MYO1C: variants seen among roughly 807,000 people sequenced by gnomAD.
MYO1C encodes the protein unconventional myosin-Ic.
MYO1C carries 104 observed loss-of-function variants against 150.8 expected under a neutral mutation model. The ratio of observed to expected loss-of-function variants is 0.69; its 90% confidence interval spans 0.59 to 0.81. The LOEUF (loss-of-function observed/expected upper bound fraction) is 0.81, where lower values mean the gene tolerates loss of function less well. MYO1C is among the 30% of genes least tolerant of loss of function. MYO1C has a pLI of 0.00. For missense variants in MYO1C, 1,504 were observed against 1,435.0 expected, an observed-to-expected ratio of 1.05 and a Z score of -0.78; for synonymous variants, 663 against 579.9, an observed-to-expected ratio of 1.14 and a Z score of -2.06.
rs904028047 is a variant in MYO1C, at chr17:1,467,921, A to G, written c.2897-11T>C. ...TGCTGACAGAGATTCCTGAGGGGAG[A>G]GGGCAAAGGTCAGAGGTCGAGGGTC... On this transcript the variant is annotated splice_polypyrimidine_tract_variant and intron_variant, in intron 28 of 31. Coordinates refer to ENST00000648651, the MANE Select transcript of MYO1C (RefSeq NM_001080779.2). 8.1e-6 allele frequency: 13 copies of G among 1,611,850 alleles called. No individual in the cohort carries two copies. In the African/African-American group the frequency reaches 1.2e-4, roughly 15 times the overall value.
At chr17:1,473,026 C>A (rs2074335710) in intron 17 of MYO1C, among the ~76,000 whole-genome samples, 1 of 152,070 alleles carries the variant, frequency 6.6e-6, no homozygotes, top group Non-Finnish European at 1.5e-5. Context: ...CATGGTGAAA[C>A]CCCATCTCTA....
At chr17:1,484,735 G>C (rs1317553591) in intron 1 of MYO1C, 1 of 366,650 alleles carries the variant, frequency 2.7e-6, no homozygotes, top group East Asian at 7.2e-5. Flanking sequence ...TCCTCTCTCT[G>C]GTTCCTTCCT....
chr17:1,491,678 T>A, intron 1 of MYO1C: 1 of 978,400 alleles, frequency 1.0e-6, no homozygotes, highest in Non-Finnish European at 1.2e-6. Context: ...GGGCGCACTC[T>A]CCCCGCCCAG....
At chr17:1,488,163 CT>C (rs552925847) in intron 1 of MYO1C, among the ~76,000 whole-genome samples, 5 of 152,312 alleles carry the variant, frequency 3.3e-5, no homozygotes, top group African/African-American at 1.2e-4. Context: ...CGCCCCGCCC[CT>C]CCACGTCACG....
intron 5 of MYO1C, among the ~76,000 whole-genome samples, chr17:1,482,076 T>C (rs1483815826): frequency 6.6e-6 from 1 of 152,064 alleles, no homozygotes; most frequent in Non-Finnish European, 1.5e-5. Flanking sequence ...AGACAGGGTC[T>C]CACTCCGTAG....
Position 1,464,203 on chromosome 17 carries a change from CTTTA to C in MYO1C, c.*1519_*1522del, listed in dbSNP as rs1351349772. 1 of 152,658 alleles carries C rather than the reference CTTTA, an allele frequency of 6.6e-6. No individual in the cohort carries two copies. The highest frequency in any genetic ancestry group is 1.5e-5 in the Non-Finnish European group (1 of 68,060). The allele number at this position is 152,658 out of a possible 1,614,324, so 9.5% of individuals were successfully genotyped here. On this transcript the variant is annotated 3_prime_UTR_variant, in exon 32 of 32. Coordinates refer to ENST00000648651, the MANE Select transcript of MYO1C (RefSeq NM_001080779.2). Reference sequence around the variant, plus strand: ...AGACCACATTGGCAAACACGTATTGCTTTATTTAGTGTTTCTCTGGATTGCAGAA... The same window carrying C: ...AGACCACATTGGCAAACACGTATTGCTTTAGTGTTTCTCTGGATTGCAGAA...
Position 1,471,355 on chromosome 17 carries a change from G to A in MYO1C, c.2022-19C>T, listed in dbSNP as rs746367477. The stretch of plus-strand genomic sequence containing the variant: ...CTTGTACCTGGGGACAGGAATGCAC[G>A]CGGCTCCCACCCCAGTCAGCAGCCT... On this transcript the variant is annotated intron_variant, in intron 19 of 31. Transcript: ENST00000648651. 6.2e-6 allele frequency: 10 copies of A among 1,607,992 alleles called. No homozygotes were observed. In the African/African-American group the frequency reaches 6.7e-5, roughly 11 times the overall value.
At chr17:1,474,485 G>C (rs2074362642) in intron 17 of MYO1C, 125 bp downstream of exon 17, 10 of 897,462 alleles carry the variant, frequency 1.1e-5, no homozygotes, top group South Asian at 1.0e-4. Context: ...GCCCCCTACA[G>C]ACACCTGCAG....
rs1012930009 is a variant in MYO1C at position 1,480,951 on chromosome 17, T to A, written c.628-66A>T. ...GGGAAAAGAGCCCACCTGCCCCTCT[T>A]CTCCCCTGCACTCCTGGGCTTTGGC... is the stretch of plus-strand genomic sequence containing the variant. On this transcript the variant is annotated intron_variant, in intron 5 of 31. Coordinates refer to ENST00000648651, the MANE Select transcript of MYO1C (RefSeq NM_001080779.2). 7 of 1,562,832 alleles carry A rather than the reference T, an allele frequency of 4.5e-6. No individual in the cohort carries two copies. The African/African-American group carries it at 6.8e-5, about 15-fold the overall frequency.
In MYO1C at chr17:1,478,035, G is replaced by C; in HGVS notation, c.1401+52C>G. The C allele has an allele frequency of 6.2e-7, 1 of 1,612,190 alleles. No homozygotes were observed. ...CCTGGCACCCTCTCCCAGGGGCCCC[G>C]ATACCCAGGCTCCCCGTGGCCCACG... is the stretch of plus-strand genomic sequence containing the variant. On this transcript the variant is annotated intron_variant, in intron 12 of 31. Coordinates refer to ENST00000648651, the MANE Select transcript of MYO1C (RefSeq NM_001080779.2). This position sits in a 1 kb window ranked among gnomAD's most constrained non-coding sequence, Gnocchi z 6.3.
chr17:1,485,682 C>A, intron 1 of MYO1C: 1 of 1,213,180 alleles, frequency 8.2e-7, no homozygotes, highest in Non-Finnish European at 1.0e-6. Context: ...GCCCCGCCGC[C>A]CCCAGGCTCA....
In MYO1C at chr17:1,474,572, C is replaced by T. The variant is rs376071919; in HGVS notation, c.1797+38G>A. The stretch of plus-strand genomic sequence containing the variant: ...ACACAGGCCCTCATGCACACTCAGG[C>T]GCATGCACCCCTGCGCCCGGTCCCG... On this transcript the variant is annotated intron_variant, in intron 17 of 31. Coordinates refer to ENST00000648651, the MANE Select transcript of MYO1C (RefSeq NM_001080779.2). The T allele has an allele frequency of 5.7e-5, 91 of 1,599,700 alleles. No individual in the cohort carries two copies. The South Asian group carries it at 9.4e-4, about 16-fold the overall frequency.
chr17:1,482,952 C>T lies in MYO1C; in HGVS notation c.455G>A (p.Arg152Lys), dbSNP rs2074565326. ...SGAGKTEATK[R>K]LLQFYAETCP... ...GGTCTCTGCATAGAACTGCAGCAGCCTCTTGGTGGCCTCGGTCTTGCCTGC... is the reference window on the plus strand; with the variant it reads ...GGTCTCTGCATAGAACTGCAGCAGCTTCTTGGTGGCCTCGGTCTTGCCTGC... The change falls in exon 4 of 32, where the codon AGG becomes AAG. Residue 152 changes from arginine to lysine, a missense_variant. By Grantham distance (26) the Arg-to-Lys change is conservative. Transcript: ENST00000648651. 2 of 1,609,732 alleles carry T rather than the reference C, an allele frequency of 1.2e-6. No homozygotes were observed. The highest frequency in any genetic ancestry group is 1.4e-5 in the African/African-American group (1 of 73,910).
chr17:1,467,839 C>T lies in MYO1C; in HGVS notation c.2967+1G>A. The T allele has an allele frequency of 6.2e-7, 1 of 1,600,948 alleles. No individual in the cohort carries two copies. The highest frequency in any genetic ancestry group is 8.5e-7 in the Non-Finnish European group (1 of 1,175,502). On this transcript the variant is annotated splice_donor_variant, in intron 29 of 31. Coordinates refer to ENST00000648651, the MANE Select transcript of MYO1C (RefSeq NM_001080779.2). LOFTEE classifies it high-confidence loss of function. ...ACTCCTCCCCATCCATGAAAAGGCA[C>T]CTTTTGCTTATTGTCCGCACGCTGT...
Position 1,470,303 on chromosome 17 carries a change from G to A in MYO1C, c.2398C>T (p.Pro800Ser), listed in dbSNP as rs759543533. The change falls in exon 24 of 32, where the codon CCC becomes TCC. Residue 800 changes from proline to serine, a missense_variant. Transcript: ENST00000648651. ...AAGAAGGCGTTCTCGGGGCAGCGGG[G>A]GGCGTGGCGCAGGACGAAGCCTCGG... ...LIRGFVLRHA[P>S]RCPENAFFLD... 6.1e-5 allele frequency: 96 copies of A among 1,573,058 alleles called. No homozygotes were observed. Among genetic ancestry groups the A allele is most frequent in the Middle Eastern group, 1.7e-4 (1 of 5,820 alleles).
chr17:1,468,889 T>C (rs1371247194), intron 25 of MYO1C: 1 of 345,396 alleles, frequency 2.9e-6, no homozygotes, highest in Non-Finnish European at 5.6e-6. Flanking sequence ...ACACGGCACA[T>C]CAACCAATGC....
chr17:1,466,710 C>G (rs1478526196), intron 31 of MYO1C, among the ~76,000 whole-genome samples: 2 of 151,456 alleles, frequency 1.3e-5, no homozygotes, highest in East Asian at 3.9e-4. Context: ...ACTGCAATCT[C>G]CACCTCCTGG....
chr17:1,483,180 G>GACTGGGGGTCCCTC (rs1317089432), intron 3 of MYO1C, 121 bp from the exon 4 acceptor site: 1 of 1,002,348 alleles, frequency 1.0e-6, no homozygotes, highest in Non-Finnish European at 1.5e-6. Flanking sequence ...TGAGGATGGG[G>GACTGGGGGTCCCTC]ACTGGGGGTC....
intron 14 of MYO1C, chr17:1,477,180 C>T (rs1203039168): frequency 6.9e-5 from 15 of 216,118 alleles, no homozygotes; most frequent in Middle Eastern, 1.9e-3. Context: ...ATTTTTTTCC[C>T]TTTTTTTTTT....
Sources: allele counts gnomAD v4.1 joint callset (sites outside exome capture counted in the v4.1 genomes callset), GRCh38; gene constraint gnomAD v4.1.1; non-coding constraint Gnocchi (gnomAD v3.1); transcripts MANE v1.5; gene names NCBI Gene and HGNC (gene_info 2026-07-23, HGNC 2026-07-21).